Variants in CREBRF observed in about 807,000 individuals in gnomAD.
CREBRF encodes CREB3 regulatory factor.
A neutral mutation model predicts 66.1 loss-of-function variants in CREBRF; 5 were observed. That is an observed-to-expected ratio of 0.08 (90% CI 0.04 to 0.16). CREBRF has a LOEUF of 0.16. Ranked by LOEUF, CREBRF falls within the 10% of genes least tolerant of loss-of-function variation. The pLI is 1.00. For synonymous variants in CREBRF, 229 were observed against 264.4 expected, an observed-to-expected ratio of 0.87 and a Z score of 1.30; for missense variants, 531 against 744.9, an observed-to-expected ratio of 0.71 and a Z score of 3.34.
intron 4 of CREBRF, among the ~76,000 whole-genome samples, chr5:173,097,497 G>A (rs917413580): frequency 9.9e-5 from 15 of 152,006 alleles, no homozygotes; most frequent in Admixed American, 1.3e-4. Context: ...TGCCCGCCTC[G>A]GCCTCCCAAA....
At chr5:173,077,701 C>T (rs746496741) in intron 1 of CREBRF, among the ~76,000 whole-genome samples, 8 of 152,052 alleles carry the variant, frequency 5.3e-5, no homozygotes, top group Non-Finnish European at 1.0e-4. Context: ...GCCTCCAGAA[C>T]ACTTTTATCA....
intron 2 of CREBRF, among the ~76,000 whole-genome samples, chr5:173,082,725 T>C (rs1334315991): frequency 6.6e-6 from 1 of 151,100 alleles, no homozygotes; most frequent in Non-Finnish European, 1.5e-5. Flanking sequence ...CTGACCAACA[T>C]GGTGAAACCC....
rs1193003445 is a variant in CREBRF at position 173,090,147 on chromosome 5, C to T, written c.136-168C>T. 6.6e-6 allele frequency among the ~76,000 whole-genome samples: 1 copy of T among 151,888 alleles called. No individual in the cohort carries two copies. Among genetic ancestry groups the T allele is most frequent in the African/African-American group, 2.4e-5 (1 of 41,336 alleles). On this transcript the variant is annotated intron_variant, in intron 3 of 8. Coordinates refer to ENST00000296953, the MANE Select transcript of CREBRF (RefSeq NM_153607.3). The surrounding 1 kb of genome is among the most constrained non-coding windows in gnomAD (Gnocchi z 4.5). ...TTGTTTTATTTTCATTCTACTTTTT[C>T]TTGCCTAAGGAAATGATGACATTAT...
At chr5:173,077,391 T>C (rs1757798146) in intron 1 of CREBRF, among the ~76,000 whole-genome samples, 1 of 152,192 alleles carries the variant, frequency 6.6e-6, no homozygotes, top group African/African-American at 2.4e-5. Context: ...CACCACTGTC[T>C]ATTCCTGAAC....
Position 173,139,076 on chromosome 5 carries a change from T to C in CREBRF, c.*5331T>C, listed in dbSNP as rs893244159. 1.3e-5 allele frequency: 2 copies of C among 152,218 alleles called. No individual in the cohort carries two copies. Among genetic ancestry groups the C allele is most frequent in the South Asian group, 2.1e-4 (1 of 4,838 alleles). 9.4% of individuals were successfully genotyped at this position (152,218 alleles called of 1,614,324 possible). On this transcript the variant is annotated 3_prime_UTR_variant, in exon 9 of 9. Transcript: ENST00000296953. ...CTTGTCTCTTGTCTAGAAAGAACTTTATCTTGTTGACGCATGAGCTGTTTA... is the reference window on the plus strand; with the variant it reads ...CTTGTCTCTTGTCTAGAAAGAACTTCATCTTGTTGACGCATGAGCTGTTTA...
At chr5:173,096,624 C>G (rs566218390) in intron 4 of CREBRF, among the ~76,000 whole-genome samples, 2 of 150,888 alleles carry the variant, frequency 1.3e-5, no homozygotes, top group East Asian at 3.9e-4. Flanking sequence ...AGAGAATGGG[C>G]ATCCTTATCT....
intron 1 of CREBRF, among the ~76,000 whole-genome samples, chr5:173,056,704 G>A (rs934119512): frequency 6.6e-6 from 1 of 152,026 alleles, no homozygotes; most frequent in African/African-American, 2.4e-5. Flanking sequence ...CCCCCGGCCC[G>A]GGACGGTTAC....
intron 1 of CREBRF, among the ~76,000 whole-genome samples, chr5:173,066,024 C>T (rs541826514): frequency 6.6e-6 from 1 of 151,812 alleles, no homozygotes; most frequent in Non-Finnish European, 1.5e-5. Flanking sequence ...TGCTGTGTTG[C>T]CCAAGCTGGC....
At chr5:173,092,612 AAG>A (rs1467289551) in intron 4 of CREBRF, among the ~76,000 whole-genome samples, 1 of 152,208 alleles carries the variant, frequency 6.6e-6, no homozygotes, top group African/African-American at 2.4e-5. Flanking sequence ...AAAACTATCA[AAG>A]AGAGCCCTTT....
At chr5:173,059,303 C>T (rs1320328866) in intron 1 of CREBRF, among the ~76,000 whole-genome samples, 3 of 124,698 alleles carry the variant, frequency 2.4e-5, no homozygotes, top group Admixed American at 1.8e-4. Context: ...TCGCCCTTGT[C>T]GCCCAGGCTG....
intron 3 of CREBRF, among the ~76,000 whole-genome samples, chr5:173,089,140 G>C (rs2113732972): frequency 7.0e-6 from 1 of 142,582 alleles, no homozygotes; most frequent in Non-Finnish European, 1.5e-5. Context: ...TCGCGCCACT[G>C]CACTCCAGTC....
intron 2 of CREBRF, chr5:173,086,007 G>A: frequency 3.4e-6 from 5 of 1,453,974 alleles, no homozygotes; most frequent in Admixed American, 1.7e-5. Flanking sequence ...GGATAACTCA[G>A]CGGTCATAAT....
chr5:173,056,543 G>C (rs1033472698), intron 1 of CREBRF, 64 bp downstream of exon 1: 1 of 397,690 alleles, frequency 2.5e-6, no homozygotes, highest in African/African-American at 2.1e-5. Context: ...AGCGGAACGG[G>C]GGGCGGAGGG....
intron 4 of CREBRF, among the ~76,000 whole-genome samples, chr5:173,103,424 G>C (rs1259163550): frequency 6.6e-6 from 1 of 152,194 alleles, no homozygotes; most frequent in African/African-American, 2.4e-5. Flanking sequence ...TGACTTTAAA[G>C]ATGCAAAAGT....
At position 173,085,758 on chromosome 5, in the gene CREBRF, A is replaced by G. The variant is rs368670511; in HGVS notation, c.10-743A>G. On this transcript the variant is annotated intron_variant, in intron 2 of 8. Coordinates refer to ENST00000296953, the MANE Select transcript of CREBRF (RefSeq NM_153607.3). ...AGGCCTTTCTGTGTGAGTGTAGAAC[A>G]CTCCACATACCTGATGGCCTTCAGG... The G allele has an allele frequency of 7.8e-5, 60 of 772,804 alleles. 1 individual carries two copies. The highest frequency in any genetic ancestry group is 7.3e-4 in the East Asian group (30 of 41,010). 47.9% of individuals were successfully genotyped at this position (772,804 alleles called of 1,614,324 possible).
rs759805262 is a variant in CREBRF, at chr5:173,090,513, A to G, written c.334A>G (p.Thr112Ala). 2 of 1,613,396 alleles carry G rather than the reference A, an allele frequency of 1.2e-6. No homozygotes were observed. The highest frequency in any genetic ancestry group is 2.2e-5 in the South Asian group (2 of 91,076). The part of the protein sequence containing the change: ...TKLTSCDIWG[T>A]KEVDYLGLDD... ...ACTAACCAGCTGTGACATCTGGGGAACAAAAGAAGTGGATTACTTGGGTCT... is the reference window on the plus strand; with the variant it reads ...ACTAACCAGCTGTGACATCTGGGGAGCAAAAGAAGTGGATTACTTGGGTCT... The change falls in exon 4 of 9, where the codon ACA (threonine) becomes GCA (alanine). Residue 112 changes from threonine (T) to alanine (A), a missense_variant. Around this residue, in one of 5 missense-constraint regions of CREBRF, gnomAD observed 133 missense variants for 215.6 expected, o/e 0.62. Transcript: ENST00000296953. The surrounding 1 kb of genome is among the most constrained non-coding windows in gnomAD (Gnocchi z 4.5).
intron 1 of CREBRF, among the ~76,000 whole-genome samples, chr5:173,056,852 G>C (rs999769974): frequency 3.3e-5 from 5 of 151,800 alleles, no homozygotes; most frequent in Non-Finnish European, 7.4e-5. Context: ...CGCTGCTGCC[G>C]GCAGTCGGCC....
chr5:173,074,301 C>CAA lies in CREBRF; in HGVS notation c.-191-6269_-191-6268dup, dbSNP rs34804335. On this transcript the variant is annotated intron_variant, in intron 1 of 8. Coordinates refer to ENST00000296953, the MANE Select transcript of CREBRF (RefSeq NM_153607.3). ...AGGCAACAAGAGTGAAAGTCTGTCTCAAAAAAAAAAAAAAAAGGCTTCTTC... is the reference window on the plus strand; with the variant it reads ...AGGCAACAAGAGTGAAAGTCTGTCTCAAAAAAAAAAAAAAAAAAGGCTTCTTC... Among the ~76,000 whole-genome samples the CAA allele has an allele frequency of 6.8e-3, 859 of 126,296 alleles. 7 individuals carry two copies. Among genetic ancestry groups the CAA allele is most frequent in the African/African-American group, 0.021 (693 of 33,710 alleles). 82.9% of individuals were successfully genotyped at this position (126,296 alleles called of 152,430 possible).
intron 8 of CREBRF, among the ~76,000 whole-genome samples, chr5:173,132,723 C>T (rs1398129532): frequency 6.7e-6 from 1 of 148,942 alleles, no homozygotes; most frequent in African/African-American, 2.5e-5. Flanking sequence ...CGTCAGCCTC[C>T]CGAGTAGCTG....
Sources: gnomAD v4.1 joint callset for allele counts (sites outside exome capture counted in the v4.1 genomes callset) on GRCh38, gnomAD v4.1.1 for gene constraint, gnomAD v4.1.1 regional missense constraint, Gnocchi (gnomAD v3.1) non-coding constraint, MANE v1.5 for transcripts, NCBI Gene and HGNC (gene_info 2026-07-23, HGNC 2026-07-21) for gene names.